PIGO: variants seen among roughly 807,000 people sequenced by gnomAD.
PIGO encodes the protein GPI ethanolamine phosphate transferase 3, catalytic subunit.
A neutral mutation model predicts 86.9 loss-of-function variants in PIGO; 66 were observed. The ratio of observed to expected loss-of-function variants is 0.76; its 90% CI spans 0.62 to 0.93. The LOEUF is 0.93. PIGO is among the 40% of genes least tolerant of loss of function. The probability of loss-of-function intolerance (pLI) is 0.00; values close to 1 mark genes in which losing one functional copy is unlikely to be tolerated. For missense variants in PIGO, 1,202 were observed against 1,359.1 expected (o/e 0.88, Z 1.82); for synonymous variants, 570 against 556.4 (o/e 1.02, Z -0.34).
At position 35,090,123 on chromosome 9, in the gene PIGO, G is replaced by C. The variant is rs758630237; in HGVS notation, c.3012C>G (p.His1004Gln). The part of the protein sequence containing the change: ...MEMRLRDAPQ[H>Q]FYAALLQLGL... ...CCAGCTGCAGCAGTGCTGCATAGAAGTGCTGAGGCGCATCCCGGAGCCGCA... is the reference window on the plus strand; with the variant it reads ...CCAGCTGCAGCAGTGCTGCATAGAACTGCTGAGGCGCATCCCGGAGCCGCA... The change falls in exon 9 of 11, where the codon CAC (histidine) becomes CAG (glutamine). Residue 1004 changes from histidine (H) to glutamine (Q), a missense_variant. Transcript: ENST00000378617. 8 of 1,614,248 alleles carry C rather than the reference G, an allele frequency of 5.0e-6. 1 individual carries two copies. The South Asian group carries it at 8.8e-5, about 18-fold the overall frequency.
In PIGO at chr9:35,091,413, G is replaced by A. The variant is rs750185627; in HGVS notation, c.2474C>T (p.Ala825Val). The part of the protein sequence containing the change: ...TKSQGPLTVA[A>V]YQLGSVYSAA... ...TGAGTAGACACTCCCCAACTGATAA[G>A]CAGCCACAGTCAGGGGACCCTGAGA... Residue 825 changes from alanine to valine, a missense_variant, in exon 7 of 11, where the codon GCT becomes GTT. Coordinates refer to ENST00000378617, the MANE Select transcript of PIGO (RefSeq NM_032634.4). 3.1e-6 allele frequency: 5 copies of A among 1,614,096 alleles called. No individual in the cohort carries two copies. Among genetic ancestry groups the A allele is most frequent in the Admixed American group, 1.7e-5 (1 of 60,010 alleles).
At chr9:35,094,437 A>C in intron 2 of PIGO, 78 bp from the exon 3 acceptor site, 1 of 1,515,702 alleles carries the variant, frequency 6.6e-7, no homozygotes, top group South Asian at 1.3e-5. Flanking sequence ...GGCCCTTTAA[A>C]GACCCATCAG....
At position 35,090,417 on chromosome 9, in the gene PIGO, C is replaced by T. The variant is rs756478254; in HGVS notation, c.2854+49G>A. 3 of 1,569,248 alleles carry T rather than the reference C, an allele frequency of 1.9e-6. No individual in the cohort carries two copies. The Admixed American group carries it at 5.5e-5, about 29-fold the overall frequency. On this transcript the variant is annotated intron_variant, in intron 8 of 10. Transcript: ENST00000378617. ...TCAAATCCAGGGGTTTCCTTTCTTTCCACAAAGCCAGAGTAAACAATGGAA... is the reference window on the plus strand; with the variant it reads ...TCAAATCCAGGGGTTTCCTTTCTTTTCACAAAGCCAGAGTAAACAATGGAA...
chr9:35,091,207 T>G (rs1219972176), intron 7 of PIGO, 33 bp downstream of exon 7: 1 of 1,538,142 alleles, frequency 6.5e-7, no homozygotes, highest in Admixed American at 2.0e-5. Flanking sequence ...ACATCACTAT[T>G]GTCTTTAAGT....
At chr9:35,090,019 C>T (rs993650478) in intron 9 of PIGO, 47 bp downstream of exon 9, 1 of 1,580,178 alleles carries the variant, frequency 6.3e-7, no homozygotes, top group Admixed American at 1.7e-5. Context: ...AAGTGATGCA[C>T]ACACAGAGAA....
chr9:35,095,520 G>T lies in PIGO; in HGVS notation c.46C>A (p.Leu16Ile). The T allele has an allele frequency of 6.2e-7, 1 of 1,605,140 alleles. No individual in the cohort carries two copies. The highest frequency in any genetic ancestry group is 8.5e-7 in the Non-Finnish European group (1 of 1,175,042). ...VLLFLAWVCF[L>I]FYAGIALFTS... The stretch of plus-strand genomic sequence containing the variant: ...AAGAGGGCAATGCCAGCGTAGAAGA[G>T]GAAGCAGACCCAGGCCAGGAAGAGC... Residue 16 changes from leucine to isoleucine, a missense_variant, in exon 2 of 11, where the codon CTC (leucine) becomes ATC (isoleucine). Physicochemically the swap from Leu to Ile is conservative, Grantham distance 5. Coordinates refer to ENST00000378617, the MANE Select transcript of PIGO (RefSeq NM_032634.4).
chr9:35,094,919 G>A, intron 2 of PIGO, 136 bp downstream of exon 2: 1 of 1,235,414 alleles, frequency 8.1e-7, no homozygotes, highest in Non-Finnish European at 1.1e-6. Flanking sequence ...GCAGGGCCCT[G>A]GCCTCTTTCT....
rs1292036590 is a variant in PIGO, at chr9:35,092,103, A to G, written c.1784T>C (p.Leu595Pro). ...VVQLHWEGQL[L>P]PPKLLTMPRL... ...GGGCATTGTGAGTAGCTTAGGTGGAAGCAGCTGGCCCTCCCAGTGAAGCTG... is the reference window on the plus strand; with the variant it reads ...GGGCATTGTGAGTAGCTTAGGTGGAGGCAGCTGGCCCTCCCAGTGAAGCTG... Residue 595 changes from leucine (L) to proline (P), a missense_variant, in exon 7 of 11, where the codon CTT becomes CCT. Leu to Pro is a moderately conservative substitution (Grantham distance 98). Transcript: ENST00000378617. 1 of 1,614,100 alleles carries G rather than the reference A, an allele frequency of 6.2e-7. No homozygotes were observed. The highest frequency in any genetic ancestry group is 8.5e-7 in the Non-Finnish European group (1 of 1,180,040).
At chr9:35,090,368 TC>T in intron 8 of PIGO, 88 bp from the exon 9 acceptor site, 1 of 1,555,418 alleles carries the variant, frequency 6.4e-7, no homozygotes, top group South Asian at 1.2e-5. Flanking sequence ...GTGCCAAAGA[TC>T]CAACAAACCC....
At chr9:35,095,008 A>G (rs1345465950) in intron 2 of PIGO, 47 bp downstream of exon 2, 1 of 1,532,774 alleles carries the variant, frequency 6.5e-7, no homozygotes, top group Admixed American at 2.1e-5. Context: ...CAAATTTTGA[A>G]GAAATTTGCC....
At chr9:35,093,802 G>C (rs766972221) in intron 4 of PIGO, 99 bp downstream of exon 4, 25 of 1,548,478 alleles carry the variant, frequency 1.6e-5, no homozygotes, top group Non-Finnish European at 2.1e-5. Flanking sequence ...AGAAGGCCTA[G>C]AGAAGACAGA....
intron 7 of PIGO, 157 bp downstream of exon 7, chr9:35,091,083 G>T: frequency 1.2e-6 from 1 of 828,720 alleles, no homozygotes; most frequent in Non-Finnish European, 1.8e-6. Context: ...GGCTATGGCA[G>T]GTAAGAGAGA....
chr9:35,095,299 G>C lies in PIGO; in HGVS notation c.267C>G (p.His89Gln), dbSNP rs781454559. The change falls in exon 2 of 11, where the codon CAC (histidine) becomes CAG (glutamine). Residue 89 changes from histidine (H) to glutamine (Q), a missense_variant. His to Gln is a conservative substitution (Grantham distance 24). Coordinates refer to ENST00000378617, the MANE Select transcript of PIGO (RefSeq NM_032634.4). ...RFDFAQPQHSHVPREPPVSLP... is the reference protein window; with the variant it reads ...RFDFAQPQHSQVPREPPVSLP... ...GGGAGACAGGAGGCTCTCTAGGCAC[G>C]TGTGAATGCTGGGGCTGGGCGAAGT... 3 of 1,614,192 alleles carry C rather than the reference G, an allele frequency of 1.9e-6. No homozygotes were observed. In the South Asian group the frequency reaches 3.3e-5, roughly 18 times the overall value.
Position 35,095,055 on chromosome 9 carries a change from C to A in PIGO, c.511G>T (p.Gly171Ter), listed in dbSNP as rs1247927038. 2 of 1,593,902 alleles carry A rather than the reference C, an allele frequency of 1.3e-6. No individual in the cohort carries two copies. Among genetic ancestry groups the A allele is most frequent in the Non-Finnish European group, 1.7e-6 (2 of 1,167,458 alleles). ...GGCCTTCAAAGTGGCCCACACTGAC[C>A]TGCACTGGTGAGCTGCTTAATGAGA... is the stretch of plus-strand genomic sequence containing the variant. ...DNLIKQLTSA[G>*]RRVVFMGDDT... The change falls in exon 2 of 11, where the codon GGA (glycine) becomes TGA (stop). Residue 171 changes from glycine (G) to a stop codon, truncating the protein, a stop_gained and splice_region_variant. Coordinates refer to ENST00000378617, the MANE Select transcript of PIGO (RefSeq NM_032634.4). LOFTEE classifies it high-confidence loss of function.
intron 2 of PIGO, among the ~76,000 whole-genome samples, chr9:35,094,695 T>C (rs1829586919): frequency 6.6e-6 from 1 of 152,206 alleles, no homozygotes; most frequent in African/African-American, 2.4e-5. Flanking sequence ...TGCTTTCTTC[T>C]CCACACTTGC....
chr9:35,090,763 T>A, intron 7 of PIGO, 91 bp from the exon 8 acceptor site: 1 of 1,265,670 alleles, frequency 7.9e-7, no homozygotes, highest in Non-Finnish European at 1.1e-6. Flanking sequence ...ACTACTTCAG[T>A]ATCAATTCTC....
rs756455405 is a variant in PIGO, at chr9:35,090,556, C to T, written c.2764G>A (p.Val922Met). The T allele has an allele frequency of 1.5e-5, 24 of 1,614,112 alleles. No individual in the cohort carries two copies. The highest frequency in any genetic ancestry group is 2.2e-5 in the East Asian group (1 of 44,898). The part of the protein sequence containing the change: ...FPAIHWHAAF[V>M]GFPEGHGSCT... ...GAGCCATGACCCTCTGGGAATCCCA[C>T]GAAGGCTGCATGCCAATGGATGGCT... The change falls in exon 8 of 11, where the codon GTG (valine) becomes ATG (methionine). Residue 922 changes from valine to methionine, a missense_variant. By Grantham distance (21) the Val-to-Met change is conservative. Transcript: ENST00000378617.
At position 35,091,325 on chromosome 9, in the gene PIGO, G is replaced by A. The variant is rs780108725; in HGVS notation, c.2562C>T (p.Arg854=). The change falls in exon 7 of 11, where the codon CGC becomes CGT. Residue 854 remains arginine, a synonymous_variant. Transcript: ENST00000378617. ...AFPLLLLHAE[R]ISLVFLLLFL... is the part of the protein sequence containing the mutation. ...ACAGAAGCAGGAACACAAGGCTGAT[G>A]CGCTCCGCATGCAACAGCAGAAGTG... is the stretch of plus-strand genomic sequence containing the variant. 21 of 1,614,206 alleles carry A rather than the reference G, an allele frequency of 1.3e-5. No homozygotes were observed. The highest frequency in any genetic ancestry group is 1.4e-5 in the Non-Finnish European group (16 of 1,180,032).
Position 35,095,571 on chromosome 9 carries a change from TA to T in PIGO, c.-1-6del, listed in dbSNP as rs1379273681. ...AACACTGAGGCTTTCTGCATCCTGA[TA>T]GGGGTGGGGAAGTAAATTCATTACT... is the stretch of plus-strand genomic sequence containing the variant. On this transcript the variant is annotated splice_region_variant and splice_polypyrimidine_tract_variant and intron_variant, in intron 1 of 10. Transcript: ENST00000378617. 9.7e-6 allele frequency: 15 copies of T among 1,546,048 alleles called. No homozygotes were observed. The highest frequency in any genetic ancestry group is 3.9e-5 in the Admixed American group (2 of 50,832).
Sources: allele counts gnomAD v4.1 joint callset (sites outside exome capture counted in the v4.1 genomes callset), GRCh38; gene constraint gnomAD v4.1.1; transcripts MANE v1.5; gene names NCBI Gene and HGNC (gene_info 2026-07-23, HGNC 2026-07-21).